Variants in SWT1 observed in about 807,000 individuals in gnomAD.
The protein encoded by SWT1 is SWT1 RNA endoribonuclease homolog.
In SWT1, 33 loss-of-function variants were observed where a neutral mutation model predicts 107.3. The observed-to-expected ratio is 0.31, with a 90% CI of 0.23 to 0.41. SWT1 has a LOEUF of 0.41. SWT1 is among the 10% of genes least tolerant of loss of function. The pLI, the probability that SWT1 is intolerant of heterozygous loss-of-function variation, is 1.00. For missense variants in SWT1, 898 were observed against 1,028.9 expected, an observed-to-expected ratio of 0.87 and a Z score of 1.74; for synonymous variants, 345 against 348.3, an observed-to-expected ratio of 0.99 and a Z score of 0.11.
intron 14 of SWT1, among the ~76,000 whole-genome samples, chr1:185,218,939 A>G (rs1361293775): frequency 2.6e-5 from 4 of 152,238 alleles, no homozygotes; most frequent in Non-Finnish European, 4.4e-5. Flanking sequence ...AGTAAGTGCT[A>G]TGTAGTATTT....
chr1:185,216,602 T>C (rs1659233824), intron 14 of SWT1, among the ~76,000 whole-genome samples: 1 of 152,130 alleles, frequency 6.6e-6, no homozygotes, highest in African/African-American at 2.4e-5. Flanking sequence ...AAATTTTGTA[T>C]TGTTTGTCAG....
chr1:185,214,115 C>T (rs1659035520), intron 13 of SWT1, among the ~76,000 whole-genome samples: 1 of 152,100 alleles, frequency 6.6e-6, no homozygotes. Context: ...ACATGCTTAC[C>T]AGTGTAGTCT....
intron 10 of SWT1, among the ~76,000 whole-genome samples, chr1:185,200,399 C>T (rs1382913309): frequency 6.6e-6 from 1 of 151,904 alleles, no homozygotes; most frequent in Non-Finnish European, 1.5e-5. Context: ...TACCTTTGTT[C>T]TTTGATGTTG....
intron 5 of SWT1, chr1:185,176,440 T>A (rs1655567227): frequency 5.3e-6 from 2 of 375,324 alleles, no homozygotes; most frequent in Non-Finnish European, 7.3e-6. Flanking sequence ...GGGAGCTACA[T>A]GAGCAGGGAT....
At chr1:185,253,019 G>T (rs1465402322) in intron 16 of SWT1, among the ~76,000 whole-genome samples, 1 of 139,410 alleles carries the variant, frequency 7.2e-6, no homozygotes, top group Non-Finnish European at 1.5e-5. Context: ...AGTTTTCCCA[G>T]CACCATTTAT....
chr1:185,220,920 T>C (rs1163716545), intron 14 of SWT1, among the ~76,000 whole-genome samples: 1 of 152,252 alleles, frequency 6.6e-6, no homozygotes, highest in East Asian at 1.9e-4. Context: ...CATCAATTCC[T>C]GTATATGTAT....
chr1:185,242,021 A>G (rs1240549085), intron 16 of SWT1, among the ~76,000 whole-genome samples: 3 of 152,150 alleles, frequency 2.0e-5, no homozygotes, highest in Admixed American at 6.6e-5. Context: ...ATTATTACTT[A>G]TGGATTACTC....
At chr1:185,200,684 C>A (rs1234533837) in intron 10 of SWT1, among the ~76,000 whole-genome samples, 1 of 152,186 alleles carries the variant, frequency 6.6e-6, no homozygotes, top group African/African-American at 2.4e-5. Context: ...AGGTGTCTGT[C>A]AACCCCTGTT....
chr1:185,241,846 G>C (rs1282318456), intron 16 of SWT1, among the ~76,000 whole-genome samples: 1 of 152,106 alleles, frequency 6.6e-6, no homozygotes, highest in Non-Finnish European at 1.5e-5. Context: ...GCTATGAAAG[G>C]TTAAAGAATA....
intron 8 of SWT1, 31 bp from the exon 9 acceptor site, chr1:185,184,712 T>C (rs1656306318): frequency 1.3e-6 from 2 of 1,573,408 alleles, no homozygotes; most frequent in Non-Finnish European, 1.7e-6. Flanking sequence ...TAAATGTTTG[T>C]TAAATTCTAA....
intron 16 of SWT1, among the ~76,000 whole-genome samples, chr1:185,262,789 T>TG (rs1435286340): frequency 6.7e-6 from 1 of 148,772 alleles, no homozygotes; most frequent in Non-Finnish European, 1.5e-5. Context: ...CTTCTTTCTT[T>TG]TTTTTTTTTT....
intron 16 of SWT1, among the ~76,000 whole-genome samples, chr1:185,257,511 A>G (rs905440689): frequency 5.3e-5 from 8 of 152,188 alleles, no homozygotes; most frequent in Admixed American, 5.2e-4. Flanking sequence ...CGGTCGGAAA[A>G]GCGCAGTATT....
At chr1:185,271,928 C>T (rs551066781) in intron 17 of SWT1, among the ~76,000 whole-genome samples, 3 of 152,244 alleles carry the variant, frequency 2.0e-5, no homozygotes, top group Non-Finnish European at 4.4e-5. Flanking sequence ...TTCCTCAGTG[C>T]GAAATTGTTT....
chr1:185,193,506 G>A (rs1387793079), intron 10 of SWT1, among the ~76,000 whole-genome samples: 8 of 147,386 alleles, frequency 5.4e-5, no homozygotes, highest in African/African-American at 7.6e-5. Flanking sequence ...TCACTTGGTC[G>A]CCCAGGCTGG....
chr1:185,268,853 CTTTTT>C (rs71101966), intron 16 of SWT1, among the ~76,000 whole-genome samples: 1 of 134,576 alleles, frequency 7.4e-6, no homozygotes, highest in Admixed American at 7.6e-5. Flanking sequence ...TTCTTTTTCT[CTTTTT>C]TTTTTTTTTT....
chr1:185,179,173 G>A (rs1655818612), intron 5 of SWT1, among the ~76,000 whole-genome samples: 1 of 152,052 alleles, frequency 6.6e-6, no homozygotes, highest in South Asian at 2.1e-4. Context: ...GGAGGCTGAG[G>A]CAGAAGAATC....
intron 14 of SWT1, among the ~76,000 whole-genome samples, chr1:185,216,631 C>T (rs953535186): frequency 7.2e-5 from 11 of 152,002 alleles, no homozygotes; most frequent in South Asian, 2.1e-4. Context: ...ATGCCTACTA[C>T]GTATATGTTG....
intron 13 of SWT1, among the ~76,000 whole-genome samples, chr1:185,207,851 A>T (rs1658462025): frequency 6.6e-6 from 1 of 152,186 alleles, no homozygotes; most frequent in Non-Finnish European, 1.5e-5. Flanking sequence ...CAGTGAGCCA[A>T]GATGGTGCCA....
intron 3 of SWT1, among the ~76,000 whole-genome samples, 196 bp downstream of exon 3, chr1:185,166,848 A>G (rs1358161932): frequency 6.6e-6 from 1 of 152,204 alleles, no homozygotes; most frequent in East Asian, 1.9e-4. Context: ...GGGATTAGAC[A>G]ACTGTCATGG....
Sources: allele counts gnomAD v4.1 joint callset (sites outside exome capture counted in the v4.1 genomes callset), GRCh38; gene constraint gnomAD v4.1.1; transcripts MANE v1.5; gene names NCBI Gene and HGNC (gene_info 2026-07-23, HGNC 2026-07-21).